Variants in GAN observed in about 807,000 individuals in gnomAD.
The protein encoded by GAN is epididymis secretory sperm binding protein.
A neutral mutation model predicts 71.3 loss-of-function variants in GAN; 48 were observed. The observed-to-expected ratio is 0.67, with a 90% CI of 0.53 to 0.86. The LOEUF (loss-of-function observed/expected upper bound fraction) is 0.86, where lower values mean the gene tolerates loss of function less well. GAN is among the 40% of genes least tolerant of loss of function. The pLI is 0.00. For missense variants in GAN, 928 were observed against 770.1 expected (o/e 1.21, Z -2.43); for synonymous variants, 386 against 276.8 (o/e 1.39, Z -3.92).
At chr16:81,362,255 C>A (rs1042741214) in intron 5 of GAN, among the ~76,000 whole-genome samples, 5 of 152,122 alleles carry the variant, frequency 3.3e-5, no homozygotes, top group African/African-American at 1.2e-4. Flanking sequence ...TGACGCCAGG[C>A]TTCCTTTTTC....
intron 1 of GAN, among the ~76,000 whole-genome samples, chr16:81,340,728 T>C (rs963379089): frequency 7.4e-6 from 1 of 135,498 alleles, no homozygotes; most frequent in Admixed American, 7.4e-5. Flanking sequence ...AGAGAATACC[T>C]CTTCTCCTCC....
Position 81,354,715 on chromosome 16 carries a change from C to T in GAN, c.593C>T (p.Ala198Val). 1.2e-6 allele frequency: 2 copies of T among 1,609,698 alleles called. No homozygotes were observed. Among genetic ancestry groups the T allele is most frequent in the Non-Finnish European group, 1.7e-6 (2 of 1,175,914 alleles). Residue 198 changes from alanine (A) to valine (V), a missense_variant, in exon 3 of 11, where the codon GCA (alanine) becomes GTA (valine). Coordinates refer to ENST00000648994, the MANE Select transcript of GAN (RefSeq NM_022041.4). ...GGCAATGAAAGATATGTCTTTGAAGCAGTAATTCGATGGATAGCACATGAT... is the reference window on the plus strand; with the variant it reads ...GGCAATGAAAGATATGTCTTTGAAGTAGTAATTCGATGGATAGCACATGAT... Reference protein sequence around the residue: ...NVGNERYVFEAVIRWIAHDTE... With the variant: ...NVGNERYVFEVVIRWIAHDTE...
chr16:81,366,220 C>G (rs1464955672), intron 9 of GAN, among the ~76,000 whole-genome samples: 3 of 152,212 alleles, frequency 2.0e-5, no homozygotes, highest in East Asian at 1.9e-4. Context: ...CAAGCAACTT[C>G]AGGGCAAGGT....
intron 9 of GAN, among the ~76,000 whole-genome samples, chr16:81,372,259 C>A (rs773765184): frequency 1.3e-5 from 2 of 152,162 alleles, no homozygotes; most frequent in African/African-American, 4.8e-5. Flanking sequence ...CATGATATTG[C>A]CTTGTTCATT....
chr16:81,315,374 C>T (rs1908997943), intron 1 of GAN, 94 bp downstream of exon 1: 1 of 867,760 alleles, frequency 1.2e-6, no homozygotes. Context: ...ACCCTGTCCC[C>T]TGTCCCCGGC....
chr16:81,328,902 A>C (rs534738518), intron 1 of GAN, among the ~76,000 whole-genome samples: 56 of 152,228 alleles, frequency 3.7e-4, no homozygotes, highest in African/African-American at 1.3e-3. Context: ...TTTTTGTTTT[A>C]ATAACCTTTT....
At chr16:81,336,644 T>TC in intron 1 of GAN, among the ~76,000 whole-genome samples, 2 of 122,650 alleles carry the variant, frequency 1.6e-5, no homozygotes, top group Middle Eastern at 8.9e-3. Flanking sequence ...TTTTTTTTTT[T>TC]TTTTAATTTT....
At chr16:81,377,144 T>G (rs1173720982) in intron 9 of GAN, 75 bp from the exon 10 acceptor site, 14 of 906,840 alleles carry the variant, frequency 1.5e-5, no homozygotes, top group Non-Finnish European at 2.4e-5. Context: ...TCACCAAGCT[T>G]GCTGTGTCAG....
intron 1 of GAN, among the ~76,000 whole-genome samples, chr16:81,319,708 G>T (rs1294130426): frequency 1.3e-5 from 2 of 151,092 alleles, no homozygotes; most frequent in Non-Finnish European, 2.9e-5. Flanking sequence ...GCTTCCCCCC[G>T]ACCCCCCCTT....
intron 9 of GAN, among the ~76,000 whole-genome samples, chr16:81,369,822 G>A (rs542063563): frequency 4.3e-4 from 66 of 151,830 alleles, no homozygotes; most frequent in Middle Eastern, 6.8e-3. Context: ...TGCCCGCCTC[G>A]GCCTCCCAAA....
chr16:81,321,866 G>T (rs1909234781), intron 1 of GAN, among the ~76,000 whole-genome samples: 1 of 152,180 alleles, frequency 6.6e-6, no homozygotes, highest in Admixed American at 6.5e-5. Flanking sequence ...TTGCATTTGA[G>T]CGCTTCCCAT....
rs1396843686 is a variant in GAN, at chr16:81,383,230, C to T, written c.*5634C>T. 6.9e-6 allele frequency: 1 copy of T among 144,038 alleles called. No individual in the cohort carries two copies. The highest frequency in any genetic ancestry group is 1.5e-5 in the Non-Finnish European group (1 of 66,270). 8.9% of individuals were successfully genotyped at this position (144,038 alleles called of 1,614,324 possible). ...TATATAATTATTTAGTCAGAAATGA[C>T]TGTTGCCCTCTCTTTTTTTTTTTTT... On this transcript the variant is annotated 3_prime_UTR_variant, in exon 11 of 11. Coordinates refer to ENST00000648994, the MANE Select transcript of GAN (RefSeq NM_022041.4).
In GAN at chr16:81,388,840, A is replaced by G. The variant is rs938462533; in HGVS notation, c.*11244A>G. The stretch of plus-strand genomic sequence containing the variant: ...CCAAATCGTTGTGGGATCGGAAACT[A>G]GAACTGCTTGTTTCCAGGAGAGACC... On this transcript the variant is annotated 3_prime_UTR_variant, in exon 11 of 11. Transcript: ENST00000648994. The G allele has an allele frequency of 1.3e-5, 2 of 152,290 alleles. No individual in the cohort carries two copies. Among genetic ancestry groups the G allele is most frequent in the Non-Finnish European group, 2.9e-5 (2 of 68,052 alleles). 9.4% of individuals were successfully genotyped at this position (152,290 alleles called of 1,614,324 possible).
intron 9 of GAN, among the ~76,000 whole-genome samples, chr16:81,375,160 A>G (rs564096344): frequency 6.6e-6 from 1 of 152,254 alleles, no homozygotes; most frequent in South Asian, 2.1e-4. Context: ...TCCATTAGGA[A>G]AATGAAAAGG....
intron 1 of GAN, among the ~76,000 whole-genome samples, chr16:81,335,125 A>T (rs986640543): frequency 9.8e-6 from 1 of 102,146 alleles, no homozygotes; most frequent in Non-Finnish European, 1.8e-5. Context: ...GGATCTAGGG[A>T]AGGATTAAAC....
chr16:81,377,094 T>C, intron 9 of GAN, 125 bp from the exon 10 acceptor site: 1 of 774,380 alleles, frequency 1.3e-6, no homozygotes, highest in Non-Finnish European at 2.4e-6. Flanking sequence ...CAGTGGAACG[T>C]GGGGTCGAGA....
chr16:81,390,053 ACACAT>A lies in GAN; in HGVS notation c.*12458_*12462del, dbSNP rs1180603652. ...TAGAATTCCAAGTAGGTCTGCTTAGACACATATTCAGTGAAGATTGTATTGTGTGT... is the reference window on the plus strand; with the variant it reads ...TAGAATTCCAAGTAGGTCTGCTTAGAATTCAGTGAAGATTGTATTGTGTGT... On this transcript the variant is annotated 3_prime_UTR_variant, in exon 11 of 11. Transcript: ENST00000648994. The A allele has an allele frequency of 1.3e-5, 2 of 152,190 alleles. No homozygotes were observed. Among genetic ancestry groups the A allele is most frequent in the Non-Finnish European group, 2.9e-5 (2 of 68,036 alleles). The allele number at this position is 152,190 out of a possible 1,614,324, so 9.4% of individuals were successfully genotyped here. A position where few individuals can be genotyped will look rare whatever the true frequency, so the allele number is the denominator to read the frequency against.
At chr16:81,334,562 C>T (rs540417473) in intron 1 of GAN, among the ~76,000 whole-genome samples, 1 of 152,296 alleles carries the variant, frequency 6.6e-6, no homozygotes, top group South Asian at 2.1e-4. Flanking sequence ...CTGTGGCCAG[C>T]CCTAGAGTCC....
chr16:81,356,779 C>T lies in GAN; in HGVS notation c.634-6C>T, dbSNP rs199874705. On this transcript the variant is annotated splice_polypyrimidine_tract_variant and splice_region_variant and intron_variant, in intron 3 of 10. Transcript: ENST00000648994. ...TTTCGCCCCATCTTTCTTCCCTCTTCTGCAGGTCCACATGAAGGATGTTAT... is the reference window on the plus strand; with the variant it reads ...TTTCGCCCCATCTTTCTTCCCTCTTTTGCAGGTCCACATGAAGGATGTTAT... 20 of 1,594,158 alleles carry T rather than the reference C, an allele frequency of 1.3e-5. No individual in the cohort carries two copies. Among genetic ancestry groups the T allele is most frequent in the South Asian group, 6.6e-5 (6 of 90,692 alleles).
Sources: allele counts gnomAD v4.1 joint callset (sites outside exome capture counted in the v4.1 genomes callset), GRCh38; gene constraint gnomAD v4.1.1; transcripts MANE v1.5; gene names NCBI Gene and HGNC (gene_info 2026-07-23, HGNC 2026-07-21).